Variants in SDK1 observed in about 807,000 individuals in gnomAD.
The protein encoded by SDK1 is protein sidekick-1.
In SDK1, 157 loss-of-function variants were observed where a neutral mutation model predicts 245.5. The observed-to-expected ratio is 0.64, with a 90% CI of 0.56 to 0.73. The LOEUF is 0.73. SDK1 is among the 30% of genes least tolerant of loss of function. The probability of loss-of-function intolerance (pLI) is 0.00; values close to 1 mark genes in which losing one functional copy is unlikely to be tolerated. For missense variants in SDK1, 3,583 were observed against 3,002.3 expected (o/e 1.19, Z -4.52); for synonymous variants, 1,647 against 1,278.5 (o/e 1.29, Z -6.15).
chr7:3,509,954 G>A (rs781114059), intron 1 of SDK1, among the ~76,000 whole-genome samples: 59 of 152,120 alleles, frequency 3.9e-4, no homozygotes, highest in Non-Finnish European at 8.2e-4. Context: ...TTAAATGAAG[G>A]TCTCCGAGTC....
At chr7:3,925,853 C>G (rs984328823) in intron 5 of SDK1, among the ~76,000 whole-genome samples, 1 of 152,188 alleles carries the variant, frequency 6.6e-6, no homozygotes, top group East Asian at 1.9e-4. Flanking sequence ...TTGGCACTCC[C>G]CCTTTTCCCA....
chr7:4,239,729 T>C (rs1295724057), intron 42 of SDK1, among the ~76,000 whole-genome samples: 1 of 152,204 alleles, frequency 6.6e-6, no homozygotes, highest in Admixed American at 6.5e-5. Flanking sequence ...AGGAATGTGG[T>C]CACTTCTGTG....
At position 4,165,383 on chromosome 7, in the gene SDK1, G is replaced by A. The variant is rs538762820; in HGVS notation, c.4800+3527G>A. Among the ~76,000 whole-genome samples, 17 of 150,424 alleles carry A rather than the reference G, an allele frequency of 1.1e-4. No homozygotes were observed. The South Asian group carries it at 3.1e-3, about 28-fold the overall frequency. The stretch of plus-strand genomic sequence containing the variant: ...TCAAAACAAACAAACAAACAAACAC[G>A]GGCTGTAATTTCAAGGCTTATAGAC... On this transcript the variant is annotated intron_variant, in intron 32 of 44. Transcript: ENST00000404826.
chr7:3,799,547 T>C (rs1400248751), intron 4 of SDK1, among the ~76,000 whole-genome samples: 1 of 151,134 alleles, frequency 6.6e-6, no homozygotes, highest in Non-Finnish European at 1.5e-5. Context: ...TACTAAAAAA[T>C]ACAAAAAATT....
Position 3,971,446 on chromosome 7 carries a change from G to T in SDK1, c.1715-20G>T, listed in dbSNP as rs368582153. The stretch of plus-strand genomic sequence containing the variant: ...TCAAACTTGTCATTTCGTCTGACTC[G>T]TGACTTGTGTTTTTTTCAGATCGGA... On this transcript the variant is annotated intron_variant, in intron 11 of 44. Transcript: ENST00000404826. 2.9e-5 allele frequency: 46 copies of T among 1,566,094 alleles called. No homozygotes were observed. In the East Asian group the frequency reaches 4.3e-4, roughly 14 times the overall value.
intron 22 of SDK1, among the ~76,000 whole-genome samples, chr7:4,099,865 G>A (rs1782420602): frequency 6.6e-6 from 1 of 151,748 alleles, no homozygotes; most frequent in Admixed American, 6.6e-5. Context: ...AGAAACCGTG[G>A]CTGCTGGTCA....
chr7:3,428,449 A>C (rs1213974311), intron 1 of SDK1, among the ~76,000 whole-genome samples: 1 of 152,214 alleles, frequency 6.6e-6, no homozygotes, highest in African/African-American at 2.4e-5. Context: ...CACATGGCCA[A>C]AAAGTGGCAG....
intron 1 of SDK1, among the ~76,000 whole-genome samples, chr7:3,319,000 A>G (rs1031933191): frequency 4.6e-5 from 7 of 151,836 alleles, no homozygotes; most frequent in Non-Finnish European, 1.0e-4. Context: ...GTGTGGGCCT[A>G]TCTGGGGGTG....
intron 4 of SDK1, among the ~76,000 whole-genome samples, chr7:3,686,518 A>C (rs1352078465): frequency 6.6e-6 from 1 of 152,254 alleles, no homozygotes; most frequent in Non-Finnish European, 1.5e-5. Context: ...ACTCACGCAT[A>C]CATACATTGC....
rs1253950492 is a variant in SDK1 at position 3,945,873 on chromosome 7, T to C, written c.848-5050T>C. 4.7e-5 allele frequency among the ~76,000 whole-genome samples: 5 copies of C among 106,376 alleles called. No individual in the cohort carries two copies. In the South Asian group the frequency reaches 1.0e-3, roughly 22 times the overall value. 69.8% of individuals were successfully genotyped at this position (106,376 alleles called of 152,430 possible). On this transcript the variant is annotated intron_variant, in intron 5 of 44. Transcript: ENST00000404826. Reference sequence around the variant, plus strand: ...GAGATCGTGCCACTGCACTCCAGCCTGGGCAACAGAGCAAGACTCTGTCTG... The same window carrying C: ...GAGATCGTGCCACTGCACTCCAGCCCGGGCAACAGAGCAAGACTCTGTCTG...
rs184647543 is a variant in SDK1, at chr7:3,982,078, G to C, written c.1995-5108G>C. Among the ~76,000 whole-genome samples the C allele has an allele frequency of 3.0e-3, 457 of 152,312 alleles. 3 individuals are homozygous for C. The highest frequency in any genetic ancestry group is 0.01 in the African/African-American group (434 of 41,560). ...CTCTTGTTAGGGGCTAATGGAGCTG[G>C]TGACTTTAAGTTGAAGCCAACACTC... On this transcript the variant is annotated intron_variant, in intron 13 of 44. Coordinates refer to ENST00000404826, the MANE Select transcript of SDK1 (RefSeq NM_152744.4).
intron 1 of SDK1, among the ~76,000 whole-genome samples, chr7:3,532,189 T>C (rs1042820894): frequency 6.6e-6 from 1 of 152,210 alleles, no homozygotes; most frequent in Non-Finnish European, 1.5e-5. Context: ...CCACCTCCAG[T>C]ACCTCTTCTT....
intron 4 of SDK1, among the ~76,000 whole-genome samples, chr7:3,677,122 C>A (rs1583297787): frequency 6.6e-6 from 1 of 152,128 alleles, no homozygotes; most frequent in African/African-American, 2.4e-5. Context: ...TTAGTGAAGA[C>A]TTTTCTGGCC....
At chr7:4,167,380 C>T (rs551203472) in intron 32 of SDK1, among the ~76,000 whole-genome samples, 1 of 152,028 alleles carries the variant, frequency 6.6e-6, no homozygotes, top group East Asian at 1.9e-4. Context: ...TCCAGCCTGG[C>T]GACAGAGCAA....
intron 1 of SDK1, among the ~76,000 whole-genome samples, chr7:3,567,885 C>T (rs536455727): frequency 2.6e-5 from 4 of 152,234 alleles, no homozygotes; most frequent in Non-Finnish European, 4.4e-5. Context: ...GGTCATAGCT[C>T]ATTGCAGCCT....
At chr7:3,943,643 G>A (rs1780462726) in intron 5 of SDK1, among the ~76,000 whole-genome samples, 1 of 151,692 alleles carries the variant, frequency 6.6e-6, no homozygotes, top group Admixed American at 6.6e-5. Flanking sequence ...CGTGGAAGGG[G>A]CGTTTTCCAT....
intron 5 of SDK1, among the ~76,000 whole-genome samples, chr7:3,822,796 A>G (rs556848179): frequency 4.9e-4 from 75 of 151,934 alleles, no homozygotes; most frequent in African/African-American, 1.6e-3. Context: ...AAAGAAAAGT[A>G]TGTGGGATGG....
chr7:3,970,350 A>G (rs1414006191), intron 11 of SDK1, among the ~76,000 whole-genome samples: 1 of 152,214 alleles, frequency 6.6e-6, no homozygotes, highest in Non-Finnish European at 1.5e-5. Context: ...AATTTGTAAA[A>G]TGATCATGCG....
At chr7:4,040,769 G>T (rs879881008) in intron 17 of SDK1, among the ~76,000 whole-genome samples, 27 of 152,248 alleles carry the variant, frequency 1.8e-4, no homozygotes, top group Non-Finnish European at 2.2e-4. Flanking sequence ...ATGCGGATGG[G>T]TTATCTCCCC....
Sources: gnomAD v4.1 joint callset for allele counts (sites outside exome capture counted in the v4.1 genomes callset) on GRCh38, gnomAD v4.1.1 for gene constraint, MANE v1.5 for transcripts, NCBI Gene and HGNC (gene_info 2026-07-23, HGNC 2026-07-21) for gene names.